KLRG1: variants seen among roughly 807,000 people sequenced by gnomAD.
KLRG1 encodes killer cell lectin-like receptor subfamily G member 1.
KLRG1 carries 16 observed loss-of-function variants against 21.8 expected under a neutral mutation model. The observed-to-expected ratio is 0.73, with a 90% CI of 0.50 to 1.11. The LOEUF (loss-of-function observed/expected upper bound fraction) is 1.11, where lower values mean the gene tolerates loss of function less well. KLRG1 is among the 50% of genes most tolerant of loss of function. The pLI is 0.00. For missense variants in KLRG1, 173 were observed against 218.3 expected, an observed-to-expected ratio of 0.79 and a Z score of 1.31; for synonymous variants, 69 against 75.9, an observed-to-expected ratio of 0.91 and a Z score of 0.47.
chr12:8,980,660 A>G (rs80017394), intron 1 of KLRG1, among the ~76,000 whole-genome samples: 28,082 of 152,104 alleles, frequency 0.18, 3,223 homozygotes, highest in Admixed American at 0.28. Context: ...CACACATGCA[A>G]TGCTGGGCTT....
At chr12:8,971,909 C>G (rs1207399636) in intron 1 of KLRG1, among the ~76,000 whole-genome samples, 1 of 152,180 alleles carries the variant, frequency 6.6e-6, no homozygotes, top group Non-Finnish European at 1.5e-5. Context: ...ATATTAACCC[C>G]TTATCAGATA....
the KLRG1 span, among the ~76,000 whole-genome samples, chr12:9,048,398 G>C: frequency 6.6e-6 from 1 of 151,964 alleles, no homozygotes; most frequent in Non-Finnish European, 1.5e-5. Context: ...ACCAAAACTA[G>C]AGAAATACAA....
the KLRG1 span, among the ~76,000 whole-genome samples, chr12:9,205,669 A>G: frequency 1.3e-5 from 2 of 152,192 alleles, no homozygotes; most frequent in African/African-American, 4.8e-5. Flanking sequence ...CCATTTATAG[A>G]GTAAATTTGC....
the KLRG1 span, among the ~76,000 whole-genome samples, chr12:9,193,315 T>C: frequency 2.6e-5 from 4 of 152,246 alleles, no homozygotes; most frequent in East Asian, 7.7e-4. Flanking sequence ...AGTGCACTTA[T>C]TTTTTTCTAA....
chr12:9,178,897 T>C, the KLRG1 span, among the ~76,000 whole-genome samples: 1 of 152,032 alleles, frequency 6.6e-6, no homozygotes, highest in African/African-American at 2.4e-5. Flanking sequence ...GTCTCAGATA[T>C]AGTTATCTCA....
upstream of KLRG1, among the ~76,000 whole-genome samples, chr12:8,984,745 A>T (rs1018360613): frequency 3.3e-5 from 5 of 152,306 alleles, no homozygotes; most frequent in Non-Finnish European, 7.3e-5. Flanking sequence ...TCTATGTTAC[A>T]TAAGTTTCTT....
chr12:9,139,544 T>A, the KLRG1 span, among the ~76,000 whole-genome samples: 466 of 152,348 alleles, frequency 3.1e-3, 5 homozygotes, highest in African/African-American at 0.011. Flanking sequence ...TTCCTACTAT[T>A]ATTTTATTGC....
the KLRG1 span, among the ~76,000 whole-genome samples, chr12:9,104,021 G>A: frequency 4.6e-5 from 7 of 152,094 alleles, no homozygotes; most frequent in Non-Finnish European, 8.8e-5. Flanking sequence ...GCCATTTTAC[G>A]TTCCCAGCAA....
the KLRG1 span, chr12:9,196,970 T>C: frequency 1.7e-3 from 2,330 of 1,405,880 alleles, 25 homozygotes; most frequent in African/African-American, 0.029. Context: ...TCTCACTGGT[T>C]GTAAACAGTG....
chr12:9,214,845 T>G, the KLRG1 span, among the ~76,000 whole-genome samples: 3 of 152,014 alleles, frequency 2.0e-5, no homozygotes, highest in Non-Finnish European at 4.4e-5. Flanking sequence ...CATATAATGC[T>G]ATTTAATGGA....
the KLRG1 span, among the ~76,000 whole-genome samples, chr12:9,155,133 T>A: frequency 6.6e-6 from 1 of 152,194 alleles, no homozygotes; most frequent in Non-Finnish European, 1.5e-5. Context: ...TAGAGAGAGT[T>A]CTTTTATTGT....
At chr12:9,095,575 T>A in the KLRG1 span, 4 of 1,612,340 alleles carry the variant, frequency 2.5e-6, no homozygotes, top group Non-Finnish European at 3.4e-6. Flanking sequence ...CATTTGTACT[T>A]GATACTGGAG....
the KLRG1 span, chr12:9,098,697 G>A: frequency 6.2e-7 from 1 of 1,612,476 alleles, no homozygotes; most frequent in Non-Finnish European, 8.5e-7. Flanking sequence ...GAGCCGCTGT[G>A]ACTCGCAGGT....
chr12:8,997,102 G>T (rs935146626), intron 3 of KLRG1, among the ~76,000 whole-genome samples: 4 of 152,150 alleles, frequency 2.6e-5, no homozygotes, highest in Non-Finnish European at 5.9e-5. Context: ...GAGGGATTTT[G>T]TCCTTCCTCT....
chr12:9,160,711 G>A, the KLRG1 span, among the ~76,000 whole-genome samples: 1 of 152,070 alleles, frequency 6.6e-6, no homozygotes, highest in South Asian at 2.1e-4. Flanking sequence ...TCAGGATATC[G>A]AGACCATCCT....
chr12:8,984,800 A>G (rs1479264165), upstream of KLRG1, among the ~76,000 whole-genome samples: 1 of 151,932 alleles, frequency 6.6e-6, no homozygotes, highest in East Asian at 1.9e-4. Flanking sequence ...ATATATTCTT[A>G]TTTCTTTGGA....
chr12:9,160,276 T>G, the KLRG1 span: 3 of 1,556,872 alleles, frequency 1.9e-6, no homozygotes, highest in Admixed American at 3.9e-5. Context: ...AAAAGTTTCA[T>G]TAGAGTAACA....
chr12:9,094,642 G>C, the KLRG1 span, among the ~76,000 whole-genome samples: 2 of 152,066 alleles, frequency 1.3e-5, no homozygotes, highest in East Asian at 1.9e-4. Context: ...AATGTGTGTG[G>C]TTCCAACATA....
the KLRG1 span, among the ~76,000 whole-genome samples, chr12:9,130,684 T>C: frequency 6.6e-6 from 1 of 152,150 alleles, no homozygotes; most frequent in Admixed American, 6.5e-5. Flanking sequence ...GGGAGTTCTT[T>C]ATATATTGTG....
Sources: allele counts gnomAD v4.1 joint callset (sites outside exome capture counted in the v4.1 genomes callset), GRCh38; gene constraint gnomAD v4.1.1; transcripts MANE v1.5; gene names NCBI Gene and HGNC (gene_info 2026-07-23, HGNC 2026-07-21).